SMOC2: variants seen among roughly 807,000 people sequenced by gnomAD.
SMOC2 encodes the protein SPARC-related modular calcium-binding protein 2.
A neutral mutation model predicts 61.4 loss-of-function variants in SMOC2; 39 were observed. The ratio of observed to expected loss-of-function variants is 0.64; its 90% CI spans 0.49 to 0.83. SMOC2 has a LOEUF of 0.83. SMOC2 is among the 40% of genes least tolerant of loss of function. The pLI is 0.00. For missense variants in SMOC2, 556 were observed against 592.9 expected (o/e 0.94, Z 0.65); for synonymous variants, 247 against 239.9 (o/e 1.03, Z -0.27).
intron 9 of SMOC2, among the ~76,000 whole-genome samples, chr6:168,612,455 C>A (rs1785902900): frequency 1.4e-5 from 2 of 145,216 alleles, no homozygotes; most frequent in South Asian, 4.5e-4. Context: ...TGATCTCCAT[C>A]GGGGAGAGGG....
chr6:168,628,962 G>A (rs928484038), intron 9 of SMOC2, among the ~76,000 whole-genome samples: 1 of 152,264 alleles, frequency 6.6e-6, no homozygotes, highest in African/African-American at 2.4e-5. Flanking sequence ...AGGGGGCCCG[G>A]GACATGGGCT....
intron 1 of SMOC2, among the ~76,000 whole-genome samples, chr6:168,508,103 G>A (rs530467343): frequency 5.4e-4 from 83 of 152,312 alleles, no homozygotes; most frequent in African/African-American, 1.6e-3. Flanking sequence ...CGGGCCGTCC[G>A]GCCCCTACAG....
chr6:168,626,793 T>C (rs1297396599), intron 9 of SMOC2, among the ~76,000 whole-genome samples: 3 of 152,190 alleles, frequency 2.0e-5, no homozygotes, highest in Non-Finnish European at 4.4e-5. Context: ...TTTACCAGAA[T>C]TTTAGGTAAC....
chr6:168,658,479 G>A (rs760062135), intron 11 of SMOC2, among the ~76,000 whole-genome samples: 10 of 152,094 alleles, frequency 6.6e-5, no homozygotes, highest in African/African-American at 1.7e-4. Context: ...CCTGTTAGCC[G>A]TTGTCAGGTG....
intron 1 of SMOC2, among the ~76,000 whole-genome samples, chr6:168,469,426 A>G (rs898165194): frequency 6.6e-6 from 1 of 152,202 alleles, no homozygotes; most frequent in Non-Finnish European, 1.5e-5. Flanking sequence ...TTGTAAACGG[A>G]TAGGGGTTCA....
chr6:168,526,591 A>G (rs1210194211), intron 3 of SMOC2, 139 bp downstream of exon 3: 2 of 655,162 alleles, frequency 3.1e-6, no homozygotes, highest in Non-Finnish European at 5.4e-6. Flanking sequence ...AGCCTTCTGC[A>G]TTTTAGAAGT....
intron 1 of SMOC2, among the ~76,000 whole-genome samples, chr6:168,493,174 C>T (rs1309746988): frequency 6.6e-6 from 1 of 151,944 alleles, no homozygotes; most frequent in Non-Finnish European, 1.5e-5. Context: ...GTAGCTGGGA[C>T]TACAGGTACA....
At chr6:168,494,567 A>G (rs975151828) in intron 1 of SMOC2, among the ~76,000 whole-genome samples, 1 of 152,244 alleles carries the variant, frequency 6.6e-6, no homozygotes, top group African/African-American at 2.4e-5. Context: ...CCAACAAGAT[A>G]GGGGATCACT....
chr6:168,638,936 T>C (rs1005252778), intron 9 of SMOC2, among the ~76,000 whole-genome samples: 2 of 152,212 alleles, frequency 1.3e-5, no homozygotes, highest in Non-Finnish European at 2.9e-5. Context: ...CCGTCCGTAG[T>C]GCATGAGCCC....
At chr6:168,597,095 T>C (rs7748067) in intron 7 of SMOC2, among the ~76,000 whole-genome samples, 2,548 of 152,350 alleles carry the variant, frequency 0.017, 64 homozygotes, top group African/African-American at 0.057. Context: ...GAGTACAGCG[T>C]ATGAGGTTGC....
intron 1 of SMOC2, among the ~76,000 whole-genome samples, chr6:168,471,160 G>C (rs905247732): frequency 2.1e-4 from 32 of 152,044 alleles, no homozygotes; most frequent in African/African-American, 7.2e-4. Flanking sequence ...TATAACTGTC[G>C]CACAACCGAT....
chr6:168,484,084 T>C (rs1782273991), intron 1 of SMOC2, among the ~76,000 whole-genome samples: 1 of 152,134 alleles, frequency 6.6e-6, no homozygotes, highest in Non-Finnish European at 1.5e-5. Flanking sequence ...AGAAAAATTG[T>C]ACAAATTGGA....
At position 168,604,225 on chromosome 6, in the gene SMOC2, G is replaced by T. The variant is rs111606997; in HGVS notation, c.825-3932G>T. Among the ~76,000 whole-genome samples the T allele has an allele frequency of 9.6e-3, 1,467 of 152,310 alleles. 25 individuals are homozygous for T. The highest frequency in any genetic ancestry group is 0.031 in the African/African-American group (1,289 of 41,572). Reference sequence around the variant, plus strand: ...AGAGGACACAGGAGCCCATCTCTTTGTTTCTTTGGAGCCAAAAATCCCTTC... The same window carrying T: ...AGAGGACACAGGAGCCCATCTCTTTTTTTCTTTGGAGCCAAAAATCCCTTC... On this transcript the variant is annotated intron_variant, in intron 8 of 12. Transcript: ENST00000356284.
chr6:168,624,681 AAC>A (rs1383739275), intron 9 of SMOC2, among the ~76,000 whole-genome samples: 6 of 151,688 alleles, frequency 4.0e-5, no homozygotes, highest in African/African-American at 1.5e-4. Context: ...CACTGACATA[AAC>A]ACACATAGAT....
chr6:168,517,836 G>A (rs1459957319), intron 2 of SMOC2, among the ~76,000 whole-genome samples: 1 of 152,198 alleles, frequency 6.6e-6, no homozygotes, highest in Non-Finnish European at 1.5e-5. Context: ...GCGGTGGAGG[G>A]GCCTGGGCGG....
chr6:168,553,370 A>G lies in SMOC2; in HGVS notation c.637+4167A>G, dbSNP rs1421183618. 6.6e-6 allele frequency among the ~76,000 whole-genome samples: 1 copy of G among 152,234 alleles called. No individual in the cohort carries two copies. ...TCTTTTCATAGAAGATACATAAACT[A>G]GTTACAAGATTTTATCAGATAAGAC... On this transcript the variant is annotated intron_variant, in intron 7 of 12. Transcript: ENST00000356284. The surrounding 1 kb of genome is among the most constrained non-coding windows in gnomAD (Gnocchi z 4.2).
intron 8 of SMOC2, among the ~76,000 whole-genome samples, chr6:168,599,414 TCATA>T (rs1785447314): frequency 3.7e-5 from 1 of 27,258 alleles, no homozygotes; most frequent in African/African-American, 1.2e-4. Flanking sequence ...ACACACACAT[TCATA>T]CCCCCCACAC....
At chr6:168,518,566 T>C (rs553599331) in intron 2 of SMOC2, among the ~76,000 whole-genome samples, 22 of 150,452 alleles carry the variant, frequency 1.5e-4, no homozygotes, top group Admixed American at 1.0e-3. Context: ...TGAGTGCATG[T>C]ATGTGACAAT....
intron 9 of SMOC2, among the ~76,000 whole-genome samples, chr6:168,635,599 GGTGGCTCACGCCT>G (rs1479698781): frequency 6.6e-6 from 1 of 152,194 alleles, no homozygotes; most frequent in African/African-American, 2.4e-5. Context: ...GGCTGGGCAT[GGTGGCTCACGCCT>G]GTAATCCCAG....
Sources: allele counts gnomAD v4.1 joint callset (sites outside exome capture counted in the v4.1 genomes callset), GRCh38; gene constraint gnomAD v4.1.1; non-coding constraint Gnocchi (gnomAD v3.1); transcripts MANE v1.5; gene names NCBI Gene and HGNC (gene_info 2026-07-23, HGNC 2026-07-21).